MID1: variants seen among roughly 807,000 people sequenced by gnomAD.
MID1 encodes the protein midline 1.
In MID1, 7 loss-of-function variants were observed where a neutral mutation model predicts 40.4. That is an observed-to-expected ratio of 0.17 (90% CI 0.10 to 0.33). The LOEUF (loss-of-function observed/expected upper bound fraction) is 0.33, where lower values mean the gene tolerates loss of function less well. MID1 is among the 10% of genes least tolerant of loss of function. MID1 has a pLI of 1.00. For missense variants in MID1, 367 were observed against 558.5 expected, an observed-to-expected ratio of 0.66 and a Z score of 3.46; for synonymous variants, 229 against 221.2, an observed-to-expected ratio of 1.04 and a Z score of -0.31.
rs1487662491 is a variant in MID1, at chrX:10,459,708, A to G, written c.1385T>C (p.Met462Thr). ...GLQSGTKYIF[M>T]VKAINQAGSR... ...GCCCGCCTGGTTGATGGCCTTGACC[A>G]TGAAGATGTACTTGGTGCCGCTCTG... Residue 462 changes from methionine to threonine, a missense_variant, in exon 8 of 10, where the codon ATG (methionine) becomes ACG (threonine). Coordinates refer to ENST00000317552, the MANE Select transcript of MID1 (RefSeq NM_000381.4). 8.3e-7 allele frequency: 1 copy of G among 1,211,733 alleles called. No homozygotes were observed.
rs770896972 is a variant in MID1, at chrX:10,484,282, G to A, written c.865-1654C>T. Among the ~76,000 whole-genome samples the A allele has an allele frequency of 3.6e-5, 4 of 112,192 alleles. No homozygotes were observed. The South Asian group carries it at 1.5e-3, about 41-fold the overall frequency. Reference sequence around the variant, plus strand: ...AAAGAATCATTTAAATTACATGGCCGAATTGCAGATGTTTAATACAATTCC... The same window carrying A: ...AAAGAATCATTTAAATTACATGGCCAAATTGCAGATGTTTAATACAATTCC... On this transcript the variant is annotated intron_variant, in intron 4 of 9. Coordinates refer to ENST00000317552, the MANE Select transcript of MID1 (RefSeq NM_000381.4).
chrX:10,518,020 G>A (rs1390609748), intron 3 of MID1, among the ~76,000 whole-genome samples: 1 of 111,717 alleles, frequency 9.0e-6, no homozygotes, highest in Non-Finnish European at 1.9e-5. Context: ...TACTCCAACC[G>A]CACTACCAAA....
chrX:10,603,758 C>T (rs1282866325), intron 1 of MID1, among the ~76,000 whole-genome samples: 1 of 111,462 alleles, frequency 9.0e-6, no homozygotes, highest in East Asian at 2.8e-4. Flanking sequence ...CAAACTTTGT[C>T]ACTGCAAATG....
intron 1 of MID1, among the ~76,000 whole-genome samples, chrX:10,603,152 C>T (rs141756087): frequency 0.03 from 3,411 of 112,450 alleles, 37 homozygotes; most frequent in African/African-American, 0.037. Flanking sequence ...TATCTGCCCA[C>T]ATTTTTGTCT....
At chrX:10,662,069 C>A (rs183682547) in intron 1 of MID1, among the ~76,000 whole-genome samples, 2 of 111,637 alleles carry the variant, frequency 1.8e-5, no homozygotes, top group Admixed American at 1.9e-4. Context: ...CTTTGGGAGG[C>A]CGAGGTGGGC....
Position 10,630,407 on chromosome X carries a change from T to A in MID1, c.-186-9988A>T, listed in dbSNP as rs779259836. On this transcript the variant is annotated intron_variant, in intron 1 of 10. Transcript: ENST00000380785. ...GTTACCCGGGCAGAGGAAACAGTGA[T>A]TGCAGAAGCTGTGAGGCCAGGGTGA... Among the ~76,000 whole-genome samples the A allele has an allele frequency of 5.4e-5, 6 of 111,012 alleles. No individual in the cohort carries two copies. In the East Asian group the frequency reaches 1.7e-3, roughly 31 times the overall value.
chrX:10,503,515 G>C (rs762873457), intron 3 of MID1, among the ~76,000 whole-genome samples: 29 of 112,018 alleles, frequency 2.6e-4, no homozygotes, highest in Middle Eastern at 4.6e-3. Flanking sequence ...TAACATTTTT[G>C]ATCAAATCTT....
intron 1 of MID1, among the ~76,000 whole-genome samples, chrX:10,814,588 TG>T (rs2044123000): frequency 9.2e-6 from 1 of 108,783 alleles, no homozygotes; most frequent in Non-Finnish European, 1.9e-5. Context: ...TGTGTGTGTG[TG>T]TGTGTGTGTG....
intron 1 of MID1, among the ~76,000 whole-genome samples, chrX:10,719,987 C>T (rs1602536198): frequency 8.9e-6 from 1 of 111,760 alleles, no homozygotes; most frequent in African/African-American, 3.3e-5. Context: ...GGAAAACTGG[C>T]TAGTCATATG....
chrX:10,799,896 G>C (rs1003124024), intron 1 of MID1, among the ~76,000 whole-genome samples: 1 of 105,404 alleles, frequency 9.5e-6, no homozygotes. Flanking sequence ...TAGCCAAGCA[G>C]GGATTTAAAC....
chrX:10,598,453 T>C (rs997939908), intron 1 of MID1, among the ~76,000 whole-genome samples: 3 of 112,068 alleles, frequency 2.7e-5, no homozygotes, highest in African/African-American at 9.7e-5. Flanking sequence ...GAATGTGACA[T>C]CACTCCTTGG....
intron 3 of MID1, among the ~76,000 whole-genome samples, chrX:10,509,675 C>G (rs1326137175): frequency 8.9e-6 from 1 of 111,778 alleles, no homozygotes; most frequent in Non-Finnish European, 1.9e-5. Flanking sequence ...TTTGTGGCTA[C>G]TGAGGTTTGC....
chrX:10,707,910 C>T (rs1323276299), intron 1 of MID1, among the ~76,000 whole-genome samples: 1 of 113,002 alleles, frequency 8.8e-6, no homozygotes, highest in Non-Finnish European at 1.9e-5. Flanking sequence ...TGCTTCCAAT[C>T]TGTGAAGTTA....
chrX:10,516,265 G>A (rs1457187039), intron 3 of MID1, among the ~76,000 whole-genome samples: 1 of 98,384 alleles, frequency 1.0e-5, no homozygotes, highest in Non-Finnish European at 2.0e-5. Flanking sequence ...TGTGATCTCA[G>A]CTCACTGCAA....
rs187078401 is a variant in MID1 at position 10,697,826 on chromosome X, G to A, written c.-186-77407C>T. Among the ~76,000 whole-genome samples, 99 of 111,342 alleles carry A rather than the reference G, an allele frequency of 8.9e-4. 1 individual carries two copies. Among genetic ancestry groups the A allele is most frequent in the African/African-American group, 2.7e-3 (84 of 30,590 alleles). ...TGGACTGTCCTGTGCATTATAGAAC[G>A]TTTAGCAGCATCCCTAGCCTCTACC... On this transcript the variant is annotated intron_variant, in intron 1 of 10. Transcript: ENST00000380785.
chrX:10,763,136 GTT>G (rs760872479), intron 1 of MID1, among the ~76,000 whole-genome samples: 1 of 94,734 alleles, frequency 1.1e-5, no homozygotes, highest in Non-Finnish European at 2.2e-5. Context: ...TACATGGCTG[GTT>G]TTTTTTTTTT....
At chrX:10,533,328 G>A (rs868107662) in intron 2 of MID1, among the ~76,000 whole-genome samples, 154 of 12,106 alleles carry the variant, frequency 0.013, no homozygotes, top group African/African-American at 0.044. Context: ...AGAAAGAAAG[G>A]AAAGAAAGAA....
At chrX:10,765,942 G>GGAAAGAAAGAAAGAAA (rs201959862) in intron 1 of MID1, among the ~76,000 whole-genome samples, 10 of 65,414 alleles carry the variant, frequency 1.5e-4, no homozygotes, top group East Asian at 4.9e-4. Flanking sequence ...GGAAAGGAAA[G>GGAAAGAAAGAAAGAAA]GAAAGAAAGA....
chrX:10,473,985 C>T (rs1359763624), intron 6 of MID1, among the ~76,000 whole-genome samples: 2 of 111,995 alleles, frequency 1.8e-5, no homozygotes, highest in East Asian at 2.8e-4. Context: ...CACTGAAACA[C>T]AGCACTAGGA....
Sources: allele counts gnomAD v4.1 joint callset (sites outside exome capture counted in the v4.1 genomes callset), GRCh38; gene constraint gnomAD v4.1.1; transcripts MANE v1.5; gene names NCBI Gene and HGNC (gene_info 2026-07-23, HGNC 2026-07-21).